Variants in ASF1B observed in about 807,000 individuals in gnomAD.
ASF1B encodes anti-silencing function 1B histone chaperone.
In ASF1B, 10 loss-of-function variants were observed where a neutral mutation model predicts 16.6. That is an observed-to-expected ratio of 0.60 (90% CI 0.37 to 1.02). The LOEUF (loss-of-function observed/expected upper bound fraction) is 1.02. ASF1B is among the 50% of genes least tolerant of loss of function. The probability of loss-of-function intolerance (pLI) is 0.01; values close to 1 mark genes in which losing one functional copy is unlikely to be tolerated. For synonymous variants in ASF1B, 101 were observed against 106.2 expected, an observed-to-expected ratio of 0.95 and a Z score of 0.30; for missense variants, 240 against 266.0, an observed-to-expected ratio of 0.90 and a Z score of 0.68.
intron 1 of ASF1B, among the ~76,000 whole-genome samples, chr19:14,129,554 T>C (rs1320732562): frequency 6.6e-6 from 1 of 151,262 alleles, no homozygotes; most frequent in East Asian, 2.0e-4. Context: ...GGTGTGCACC[T>C]GTAATTCCAG....
intron 1 of ASF1B, among the ~76,000 whole-genome samples, chr19:14,134,347 G>A (rs1163821471): frequency 6.6e-6 from 1 of 151,944 alleles, no homozygotes; most frequent in Non-Finnish European, 1.5e-5. Flanking sequence ...ATTTAAAAAG[G>A]AGCGAGAGAG....
At position 14,120,442 on chromosome 19, in the gene ASF1B, A is replaced by G; in HGVS notation, c.*17T>C. 1 of 1,611,400 alleles carries G rather than the reference A, an allele frequency of 6.2e-7. No individual in the cohort carries two copies. Among genetic ancestry groups the G allele is most frequent in the Admixed American group, 1.7e-5 (1 of 59,392 alleles). On this transcript the variant is annotated 3_prime_UTR_variant, in exon 4 of 4. Transcript: ENST00000263382. The stretch of plus-strand genomic sequence containing the variant: ...GTTGCCCCTCCCGGCGTGCTGGGAC[A>G]CTCTGGGTTCCTGCAGTTAGATGCA...
intron 1 of ASF1B, among the ~76,000 whole-genome samples, chr19:14,133,529 G>A (rs949857807): frequency 2.0e-5 from 3 of 152,042 alleles, no homozygotes; most frequent in Admixed American, 1.3e-4. Flanking sequence ...TTAGCCAGGC[G>A]TCATAGCAGG....
chr19:14,122,957 A>G (rs1467925147), intron 2 of ASF1B, among the ~76,000 whole-genome samples: 1 of 152,238 alleles, frequency 6.6e-6, no homozygotes, highest in Non-Finnish European at 1.5e-5. Flanking sequence ...GAAGGCTTAC[A>G]CCAGTCATCC....
chr19:14,127,459 T>G (rs1967335401), intron 1 of ASF1B, among the ~76,000 whole-genome samples: 1 of 152,088 alleles, frequency 6.6e-6, no homozygotes, highest in Non-Finnish European at 1.5e-5. Context: ...AGTGGATCCC[T>G]CGACAACTGG....
chr19:14,121,512 G>C lies in ASF1B; in HGVS notation c.402+20C>G. The stretch of plus-strand genomic sequence containing the variant: ...TAAAGAACGGCCTTGTGGGAAGCAG[G>C]AAGTGGAAACAGGCCCCACCTGGGA... On this transcript the variant is annotated intron_variant, in intron 3 of 3. Transcript: ENST00000263382. 6.2e-6 allele frequency: 10 copies of C among 1,609,264 alleles called. No individual in the cohort carries two copies. The highest frequency in any genetic ancestry group is 8.5e-6 in the Non-Finnish European group (10 of 1,176,678).
chr19:14,128,117 AGG>A (rs1967345629), intron 1 of ASF1B, among the ~76,000 whole-genome samples: 1 of 151,372 alleles, frequency 6.6e-6, no homozygotes, highest in Non-Finnish European at 1.5e-5. Context: ...TGGTACAGGG[AGG>A]CTTGGCAAGA....
At chr19:14,129,282 G>A in intron 1 of ASF1B, among the ~76,000 whole-genome samples, 1 of 151,922 alleles carries the variant, frequency 6.6e-6, no homozygotes, top group Admixed American at 6.6e-5. Context: ...AAAATGTACT[G>A]TGTTGACTGT....
At chr19:14,123,378 CTTTTT>C (rs74181857) in intron 2 of ASF1B, among the ~76,000 whole-genome samples, 1 of 119,818 alleles carries the variant, frequency 8.3e-6, no homozygotes. Context: ...TTTCTTTCTT[CTTTTT>C]TTTTTTTTTT....
intron 1 of ASF1B, among the ~76,000 whole-genome samples, chr19:14,129,678 C>CAAAAAAAAAA (rs549023648): frequency 7.2e-4 from 25 of 34,624 alleles, no homozygotes; most frequent in Non-Finnish European, 1.1e-3. Flanking sequence ...CAGCCTCCGT[C>CAAAAAAAAAA]AAAAAAAAAA....
chr19:14,120,635 G>C lies in ASF1B; in HGVS notation c.433C>G (p.Arg145Gly), dbSNP rs755215195. Residue 145 changes from arginine to glycine, a missense_variant, in exon 4 of 4, where the codon CGG becomes GGG. Transcript: ENST00000263382. Reference sequence around the variant, plus strand: ...CAGTTGATATGGAAGCGGGTCACCCGGGGGTTCGAGGCCAAGATGTTCCGC... The same window carrying C: ...CAGTTGATATGGAAGCGGGTCACCCCGGGGTTCGAGGCCAAGATGTTCCGC... ...LQRNILASNP[R>G]VTRFHINWDN... 2 of 1,613,840 alleles carry C rather than the reference G, an allele frequency of 1.2e-6. No individual in the cohort carries two copies. Among genetic ancestry groups the C allele is most frequent in the African/African-American group, 1.3e-5 (1 of 74,850 alleles).
rs538647102 is a variant in ASF1B, at chr19:14,134,995, G to A, written c.109+1353C>T. ...TCCCAGCACTTTGGGAGGCCAAGGCGGGTGGATCACTTGAGGTCAGGAGTT... is the reference window on the plus strand; with the variant it reads ...TCCCAGCACTTTGGGAGGCCAAGGCAGGTGGATCACTTGAGGTCAGGAGTT... On this transcript the variant is annotated intron_variant, in intron 1 of 3. Coordinates refer to ENST00000263382, the MANE Select transcript of ASF1B (RefSeq NM_018154.3). 1.6e-3 allele frequency among the ~76,000 whole-genome samples: 249 copies of A among 151,938 alleles called. 1 individual carries two copies. The highest frequency in any genetic ancestry group is 3.4e-3 in the Middle Eastern group (1 of 290).
At position 14,121,712 on chromosome 19, in the gene ASF1B, G is replaced by A. The variant is rs950821071; in HGVS notation, c.226-4C>T. 5 of 1,612,542 alleles carry A rather than the reference G, an allele frequency of 3.1e-6. No homozygotes were observed. The highest frequency in any genetic ancestry group is 1.1e-5 in the South Asian group (1 of 90,920). On this transcript the variant is annotated splice_region_variant and splice_polypyrimidine_tract_variant and intron_variant, in intron 2 of 3. Coordinates refer to ENST00000263382, the MANE Select transcript of ASF1B (RefSeq NM_018154.3). Reference sequence around the variant, plus strand: ...GGGATGGGTTGGGGGCGTCGGCCTAGGGGAGACACATCCTAGGCCTTAGCA... The same window carrying A: ...GGGATGGGTTGGGGGCGTCGGCCTAAGGGAGACACATCCTAGGCCTTAGCA...
intron 3 of ASF1B, 97 bp downstream of exon 3, chr19:14,121,435 C>A (rs757745414): frequency 7.3e-7 from 1 of 1,375,254 alleles, no homozygotes; most frequent in Non-Finnish European, 1.0e-6. Flanking sequence ...ACTTGAAAAC[C>A]TTAAGAAGTG....
chr19:14,123,090 G>A (rs1029865941), intron 2 of ASF1B, among the ~76,000 whole-genome samples: 1 of 152,162 alleles, frequency 6.6e-6, no homozygotes, highest in Non-Finnish European at 1.5e-5. Flanking sequence ...AAAACACCAC[G>A]CCCCTCCAGA....
chr19:14,125,027 T>C (rs1235001897), intron 2 of ASF1B, among the ~76,000 whole-genome samples: 1 of 152,192 alleles, frequency 6.6e-6, no homozygotes, highest in Non-Finnish European at 1.5e-5. Flanking sequence ...AGTGCACTGG[T>C]GCGATCTCAG....
chr19:14,123,726 T>C (rs1195770383), intron 2 of ASF1B, among the ~76,000 whole-genome samples: 1 of 151,410 alleles, frequency 6.6e-6, no homozygotes, highest in East Asian at 1.9e-4. Flanking sequence ...CAGACTGGAG[T>C]GCAGTGGTGC....
chr19:14,130,026 G>A (rs1967377924), intron 1 of ASF1B, among the ~76,000 whole-genome samples: 1 of 151,492 alleles, frequency 6.6e-6, no homozygotes, highest in South Asian at 2.1e-4. Context: ...TAAAAAATTA[G>A]CTGGGCGTGG....
intron 2 of ASF1B, 26 bp downstream of exon 2, chr19:14,126,096 A>G (rs773656807): frequency 4.7e-6 from 7 of 1,494,570 alleles, no homozygotes; most frequent in Non-Finnish European, 4.5e-6. Flanking sequence ...ATCAAGGGCT[A>G]AGGCCTAAGG....
Sources: allele counts gnomAD v4.1 joint callset (sites outside exome capture counted in the v4.1 genomes callset), GRCh38; gene constraint gnomAD v4.1.1; transcripts MANE v1.5; gene names NCBI Gene and HGNC (gene_info 2026-07-23, HGNC 2026-07-21).